The following DTNA variants were observed in gnomAD, a reference collection of about 807,000 sequenced individuals.
DTNA encodes dystrobrevin alpha.
A neutral mutation model predicts 100.7 loss-of-function variants in DTNA; 43 were observed. The observed-to-expected ratio is 0.43, with a 90% CI of 0.33 to 0.55. The LOEUF is 0.55. Ranked by LOEUF, DTNA falls within the 20% of genes least tolerant of loss-of-function variation. The probability of loss-of-function intolerance (pLI) is 0.04; values close to 1 mark genes in which losing one functional copy is unlikely to be tolerated. For synonymous variants in DTNA, 349 were observed against 347.9 expected (o/e 1.00, Z -0.04); for missense variants, 798 against 953.9 (o/e 0.84, Z 2.15).
At chr18:34,733,868 T>TA (rs544742689) in intron 1 of DTNA, among the ~76,000 whole-genome samples, 97 of 152,252 alleles carry the variant, frequency 6.4e-4, no homozygotes, top group Middle Eastern at 3.4e-3. Context: ...ACCAAGCAAA[T>TA]AAACTATTAG....
chr18:34,685,473 G>T (rs982138766), intron 1 of DTNA, among the ~76,000 whole-genome samples: 1 of 151,974 alleles, frequency 6.6e-6, no homozygotes, highest in Non-Finnish European at 1.5e-5. Context: ...ATTTCTGAGG[G>T]CTCTGTTCTG....
intron 3 of DTNA, among the ~76,000 whole-genome samples, chr18:34,784,996 C>A (rs199952529): frequency 6.7e-6 from 1 of 149,050 alleles, no homozygotes; most frequent in Non-Finnish European, 1.5e-5. Flanking sequence ...TGCAGTGGTG[C>A]GATCTTGGCC....
chr18:34,687,392 T>C (rs879430682), intron 1 of DTNA, among the ~76,000 whole-genome samples: 2 of 152,232 alleles, frequency 1.3e-5, no homozygotes, highest in Non-Finnish European at 2.9e-5. Context: ...CTTAATTTTG[T>C]TATTTACCCA....
At chr18:34,766,758 C>T (rs1229326792) in intron 3 of DTNA, among the ~76,000 whole-genome samples, 1 of 152,078 alleles carries the variant, frequency 6.6e-6, no homozygotes, top group Non-Finnish European at 1.5e-5. Context: ...TTTTCTTTTA[C>T]AAGCACAGGA....
At chr18:34,631,144 T>A (rs1198943433) in intron 1 of DTNA, among the ~76,000 whole-genome samples, 1 of 152,176 alleles carries the variant, frequency 6.6e-6, no homozygotes, top group Non-Finnish European at 1.5e-5. Context: ...TGCATTATAG[T>A]AGAGGGGTTT....
chr18:34,758,792 G>A (rs2148310719), intron 2 of DTNA, among the ~76,000 whole-genome samples: 1 of 152,270 alleles, frequency 6.6e-6, no homozygotes, highest in African/African-American at 2.4e-5. Context: ...CTAGAGCAAG[G>A]AAGAAGTCTA....
At chr18:34,826,965 A>G (rs915628485) in intron 9 of DTNA, among the ~76,000 whole-genome samples, 5 of 152,234 alleles carry the variant, frequency 3.3e-5, no homozygotes, top group African/African-American at 7.2e-5. Flanking sequence ...TTCTCTTATC[A>G]TAAGAAAACA....
intron 1 of DTNA, among the ~76,000 whole-genome samples, chr18:34,724,207 T>C (rs2086050170): frequency 6.6e-6 from 1 of 152,176 alleles, no homozygotes; most frequent in African/African-American, 2.4e-5. Flanking sequence ...GATAAAAGAT[T>C]TTATTTTTGA....
At chr18:34,736,323 TAGG>T (rs2089580631) in intron 1 of DTNA, among the ~76,000 whole-genome samples, 1 of 152,230 alleles carries the variant, frequency 6.6e-6, no homozygotes, top group East Asian at 1.9e-4. Flanking sequence ...CTAAAAGCTG[TAGG>T]AGAATCTTTT....
At position 34,882,069 on chromosome 18, in the gene DTNA, G is replaced by C; in HGVS notation, c.2163G>C (p.Met721Ile). The C allele has an allele frequency of 5.6e-6, 9 of 1,613,996 alleles. No homozygotes were observed. The highest frequency in any genetic ancestry group is 7.6e-6 in the Non-Finnish European group (9 of 1,179,954). Residue 721 changes from methionine (M) to isoleucine (I), a missense_variant and splice_region_variant, in exon 21 of 23, where the codon ATG becomes ATC. Coordinates refer to ENST00000444659, the MANE Select transcript of DTNA (RefSeq NM_001386795.1). Reference sequence around the variant, plus strand: ...CATGTCATCTGTGGTTTATTTTCAGGGTTACGGAGGATGCAGATCCCTATG... The same window carrying C: ...CATGTCATCTGTGGTTTATTTTCAGCGTTACGGAGGATGCAGATCCCTATG... ...GATTSTMRGD[M>I]VTEDADPYVQ... is the part of the protein sequence containing the mutation.
At chr18:34,594,012 C>T (rs1247601245) in intron 1 of DTNA, among the ~76,000 whole-genome samples, 2 of 151,912 alleles carry the variant, frequency 1.3e-5, no homozygotes, top group East Asian at 3.9e-4. Flanking sequence ...GCGTAAGGAG[C>T]CTTTAGAAGA....
intron 1 of DTNA, among the ~76,000 whole-genome samples, chr18:34,494,374 CG>C (rs1385630979): frequency 2.3e-4 from 1 of 4,314 alleles, no homozygotes. Flanking sequence ...CGGGGGGCGG[CG>C]GGGGCGGGTG....
At chr18:34,803,026 G>A (rs1379606090) in intron 4 of DTNA, among the ~76,000 whole-genome samples, 2 of 152,038 alleles carry the variant, frequency 1.3e-5, no homozygotes, top group African/African-American at 4.8e-5. Context: ...ATTCTCTGTT[G>A]TAGAGTCAGT....
chr18:34,821,617 A>AT (rs1328605532), intron 9 of DTNA: 3 of 410,314 alleles, frequency 7.3e-6, no homozygotes, highest in South Asian at 3.6e-5. Flanking sequence ...AGAAGAAACA[A>AT]TTTTTTCCTT....
chr18:34,886,697 T>C (rs588994), intron 22 of DTNA, among the ~76,000 whole-genome samples: 46,353 of 152,048 alleles, frequency 0.3, 9,486 homozygotes, highest in African/African-American at 0.58. Flanking sequence ...AAAATTAGAC[T>C]GTTGTAGTCT....
intron 7 of DTNA, among the ~76,000 whole-genome samples, chr18:34,817,102 C>A (rs558679966): frequency 2.0e-5 from 3 of 152,192 alleles, no homozygotes; most frequent in Non-Finnish European, 4.4e-5. Context: ...TCTCTCTCAG[C>A]ATTTCCTGCT....
intron 9 of DTNA, among the ~76,000 whole-genome samples, chr18:34,824,624 C>G (rs1261193732): frequency 6.6e-6 from 1 of 151,934 alleles, no homozygotes; most frequent in Non-Finnish European, 1.5e-5. Context: ...AGGTGAGCAG[C>G]AAAAGCATTA....
At chr18:34,648,586 G>T (rs1358067190) in intron 1 of DTNA, among the ~76,000 whole-genome samples, 2 of 152,210 alleles carry the variant, frequency 1.3e-5, no homozygotes, top group East Asian at 3.8e-4. Context: ...TCTCTTTAGA[G>T]ATGCCATTAA....
At chr18:34,571,422 A>G (rs1395823399) in intron 1 of DTNA, among the ~76,000 whole-genome samples, 1 of 152,130 alleles carries the variant, frequency 6.6e-6, no homozygotes, top group African/African-American at 2.4e-5. Context: ...CAGTTTATGA[A>G]TGGCGCACCC....
Sources: allele counts gnomAD v4.1 joint callset (sites outside exome capture counted in the v4.1 genomes callset), GRCh38; gene constraint gnomAD v4.1.1; transcripts MANE v1.5; gene names NCBI Gene and HGNC (gene_info 2026-07-23, HGNC 2026-07-21).